The following PIGK variants were observed in gnomAD, a reference collection of about 807,000 sequenced individuals.
The protein encoded by PIGK is GPI-anchor transamidase.
Under a neutral mutation model 50.6 loss-of-function variants are expected in PIGK, and 42 were observed. The observed-to-expected ratio is 0.83, with a 90% CI of 0.65 to 1.07. PIGK has a LOEUF of 1.07. Ranked by LOEUF, PIGK falls within the 50% of genes least tolerant of loss-of-function variation. PIGK has a pLI of 0.00. For missense variants in PIGK, 448 were observed against 488.7 expected, an observed-to-expected ratio of 0.92 and a Z score of 0.78; for synonymous variants, 151 against 156.0, an observed-to-expected ratio of 0.97 and a Z score of 0.24.
intron 3 of PIGK, among the ~76,000 whole-genome samples, chr1:77,202,514 A>G (rs1570261423): frequency 6.6e-6 from 1 of 152,206 alleles, no homozygotes; most frequent in Admixed American, 6.5e-5. Context: ...GCTGGAGCGT[A>G]AGAGACTGAA....
intron 1 of PIGK, among the ~76,000 whole-genome samples, chr1:77,211,566 C>T (rs77509641): frequency 2.3e-3 from 344 of 152,008 alleles, no homozygotes; most frequent in African/African-American, 7.8e-3. Flanking sequence ...TTTTTATCCT[C>T]GTGAATTGCT....
intron 10 of PIGK, among the ~76,000 whole-genome samples, chr1:77,107,735 T>C (rs142157369): frequency 0.11 from 17,178 of 152,186 alleles, 1,319 homozygotes; most frequent in African/African-American, 0.21. Context: ...AGTCTCTTTG[T>C]AGGTCTCTAA....
intron 3 of PIGK, among the ~76,000 whole-genome samples, chr1:77,189,891 C>T (rs1259105437): frequency 6.6e-6 from 1 of 151,556 alleles, no homozygotes; most frequent in South Asian, 2.1e-4. Context: ...AAGCACATTA[C>T]AAGCATTATC....
chr1:77,210,438 G>T lies in PIGK; in HGVS notation c.145C>A (p.Leu49Met). The change falls in exon 2 of 11, where the codon CTG becomes ATG. Residue 49 changes from leucine to methionine, a missense_variant and splice_region_variant. Coordinates refer to ENST00000370812, the MANE Select transcript of PIGK (RefSeq NM_005482.3). ...GTATACTTTTACAGTATACTTACCA[G>T]AACAGCCCAGTTGTTTGTATGGCCA... is the stretch of plus-strand genomic sequence containing the variant. ...RSGHTNNWAVLVCTSRFWFNY... is the reference protein window; with the variant it reads ...RSGHTNNWAVMVCTSRFWFNY... 6.3e-7 allele frequency: 1 copy of T among 1,587,132 alleles called. No individual in the cohort carries two copies. Among genetic ancestry groups the T allele is most frequent in the Non-Finnish European group, 8.6e-7 (1 of 1,161,360 alleles).
chr1:77,191,518 C>T (rs1309315874), intron 3 of PIGK, among the ~76,000 whole-genome samples: 1 of 152,154 alleles, frequency 6.6e-6, no homozygotes, highest in Non-Finnish European at 1.5e-5. Flanking sequence ...AGGACTTGAC[C>T]ACATCCTGAA....
intron 3 of PIGK, among the ~76,000 whole-genome samples, chr1:77,182,265 GA>G (rs1358971685): frequency 6.6e-6 from 1 of 152,174 alleles, no homozygotes; most frequent in Non-Finnish European, 1.5e-5. Context: ...AACTTGATTA[GA>G]TTGCGCAAGG....
At chr1:77,199,561 A>T (rs1656114445) in intron 3 of PIGK, among the ~76,000 whole-genome samples, 1 of 151,952 alleles carries the variant, frequency 6.6e-6, no homozygotes, top group Admixed American at 6.6e-5. Context: ...TATGATTATC[A>T]ATATATTAAA....
At chr1:77,157,779 G>A (rs2100553326) in intron 8 of PIGK, among the ~76,000 whole-genome samples, 1 of 152,272 alleles carries the variant, frequency 6.6e-6, no homozygotes, top group East Asian at 1.9e-4. Flanking sequence ...TTATGGGACA[G>A]ACTTGGTAGG....
At chr1:77,163,166 C>T (rs1311603906) in intron 6 of PIGK, among the ~76,000 whole-genome samples, 1 of 152,076 alleles carries the variant, frequency 6.6e-6, no homozygotes, top group Non-Finnish European at 1.5e-5. Context: ...ATTGCTTATG[C>T]TTTTATTTTA....
chr1:77,201,217 A>G (rs1656157529), intron 3 of PIGK, among the ~76,000 whole-genome samples: 1 of 152,226 alleles, frequency 6.6e-6, no homozygotes, highest in Non-Finnish European at 1.5e-5. Flanking sequence ...CAGAATTTAC[A>G]TAACTGACCA....
At chr1:77,095,986 A>C (rs979184156) in intron 10 of PIGK, among the ~76,000 whole-genome samples, 1 of 152,172 alleles carries the variant, frequency 6.6e-6, no homozygotes, top group African/African-American at 2.4e-5. Context: ...ATGAGAAATA[A>C]ATTATAATCT....
chr1:77,217,402 G>A (rs995748308), intron 1 of PIGK, among the ~76,000 whole-genome samples: 1 of 152,164 alleles, frequency 6.6e-6, no homozygotes, highest in Non-Finnish European at 1.5e-5. Context: ...AAGCTTAAAG[G>A]TTTTGAGAAA....
intron 9 of PIGK, among the ~76,000 whole-genome samples, chr1:77,145,874 A>C (rs1367210957): frequency 6.6e-6 from 1 of 152,174 alleles, no homozygotes; most frequent in Admixed American, 6.5e-5. Context: ...AATAAAGTCC[A>C]GAAATAGACC....
chr1:77,123,468 C>T (rs1654150912), intron 9 of PIGK, among the ~76,000 whole-genome samples: 1 of 152,006 alleles, frequency 6.6e-6, no homozygotes, highest in South Asian at 2.1e-4. Context: ...TCAAGAACCT[C>T]TTATCTAGGT....
chr1:77,111,420 T>C (rs1557794860), intron 10 of PIGK, among the ~76,000 whole-genome samples: 2 of 152,144 alleles, frequency 1.3e-5, no homozygotes, highest in Non-Finnish European at 2.9e-5. Context: ...TGGAATACTA[T>C]GCAGCCATAA....
rs745987055 is a variant in PIGK at position 77,169,353 on chromosome 1, A to G, written c.282T>C (p.Pro94=). The G allele has an allele frequency of 3.1e-6, 5 of 1,607,690 alleles. No homozygotes were observed. The highest frequency in any genetic ancestry group is 4.3e-6 in the Non-Finnish European group (5 of 1,176,374). The part of the protein sequence containing the change: ...LMLADDMACN[P]RNPKPATVFS... ...ACACTGTAGCTGGTTTGGGATTTCT[A>G]GGATTACAGGCCATATCATCTGCAA... The change falls in exon 4 of 11, where the codon CCT becomes CCC. Residue 94 remains proline (P), a synonymous_variant. Transcript: ENST00000370812.
chr1:77,117,228 G>A (rs1021816377), intron 10 of PIGK, among the ~76,000 whole-genome samples: 6 of 152,080 alleles, frequency 3.9e-5, no homozygotes, highest in African/African-American at 1.4e-4. Flanking sequence ...TTCCCCTCAG[G>A]ATTTTTGGTT....
chr1:77,108,858 T>A (rs1653764626), intron 10 of PIGK, among the ~76,000 whole-genome samples: 1 of 152,216 alleles, frequency 6.6e-6, no homozygotes, highest in Non-Finnish European at 1.5e-5. Flanking sequence ...CAATCACTGA[T>A]ACCCTTTCTT....
intron 3 of PIGK, among the ~76,000 whole-genome samples, chr1:77,177,838 G>T (rs1655522246): frequency 6.6e-6 from 1 of 151,996 alleles, no homozygotes; most frequent in African/African-American, 2.4e-5. Context: ...CTTGAACTTT[G>T]GATTCATAAT....
Sources: gnomAD v4.1 joint callset for allele counts (sites outside exome capture counted in the v4.1 genomes callset) on GRCh38, gnomAD v4.1.1 for gene constraint, MANE v1.5 for transcripts, NCBI Gene and HGNC (gene_info 2026-07-23, HGNC 2026-07-21) for gene names.